The following CSMD3 variants were observed in gnomAD, a reference collection of about 807,000 sequenced individuals.
CSMD3 encodes the protein CUB and Sushi multiple domains 3.
A neutral mutation model predicts 435.2 loss-of-function variants in CSMD3; 177 were observed. That is an observed-to-expected ratio of 0.41 (90% confidence interval 0.36 to 0.46). The LOEUF (loss-of-function observed/expected upper bound fraction) is 0.46. CSMD3 is among the 20% of genes least tolerant of loss of function. The probability of loss-of-function intolerance (pLI) is 0.34; values close to 1 mark genes in which losing one functional copy is unlikely to be tolerated. For missense variants in CSMD3, 4,265 were observed against 4,504.6 expected (o/e 0.95, Z 1.52); for synonymous variants, 1,656 against 1,520.5 (o/e 1.09, Z -2.07).
At chr8:112,988,582 T>G (rs1042628321) in intron 6 of CSMD3, among the ~76,000 whole-genome samples, 2 of 152,140 alleles carry the variant, frequency 1.3e-5, no homozygotes, top group African/African-American at 4.8e-5. Context: ...ACTATGTTGC[T>G]AATGTGTATC....
intron 2 of CSMD3, among the ~76,000 whole-genome samples, chr8:113,308,221 T>C (rs1016702382): frequency 1.3e-5 from 2 of 151,528 alleles, no homozygotes; most frequent in African/African-American, 4.8e-5. Flanking sequence ...TTAATTTTTC[T>C]TTTTAGTTCT....
chr8:112,896,334 C>T (rs1587608725), intron 10 of CSMD3, among the ~76,000 whole-genome samples: 1 of 151,432 alleles, frequency 6.6e-6, no homozygotes, highest in East Asian at 2.0e-4. Flanking sequence ...TGGAGCTGCC[C>T]GATAGATATG....
chr8:112,503,112 G>A (rs1316976781), intron 30 of CSMD3, among the ~76,000 whole-genome samples: 8 of 151,980 alleles, frequency 5.3e-5, no homozygotes, highest in Non-Finnish European at 7.4e-5. Flanking sequence ...TAGAGACACG[G>A]TCTTGCTCTC....
intron 2 of CSMD3, among the ~76,000 whole-genome samples, chr8:113,279,014 T>C (rs1214409969): frequency 6.6e-6 from 1 of 151,570 alleles, no homozygotes; most frequent in Non-Finnish European, 1.5e-5. Context: ...TTAAAATATC[T>C]AGATAAATAC....
At chr8:112,976,326 A>C (rs781261056) in intron 6 of CSMD3, among the ~76,000 whole-genome samples, 178 bp from the exon 7 acceptor site, 2 of 152,136 alleles carry the variant, frequency 1.3e-5, no homozygotes, top group Non-Finnish European at 2.9e-5. Context: ...GTTTGTTTCT[A>C]TCAACCATCC....
At chr8:113,104,954 A>C (rs2090431132) in intron 4 of CSMD3, among the ~76,000 whole-genome samples, 1 of 152,108 alleles carries the variant, frequency 6.6e-6, no homozygotes, top group Non-Finnish European at 1.5e-5. Flanking sequence ...AGACATGTTG[A>C]GAAAATGAGA....
intron 39 of CSMD3, 131 bp from the exon 40 acceptor site, chr8:112,351,375 T>G: frequency 1.6e-6 from 1 of 629,882 alleles, no homozygotes; most frequent in East Asian, 2.8e-5. Flanking sequence ...TTTACTTATA[T>G]GAAAATCTTA....
intron 5 of CSMD3, among the ~76,000 whole-genome samples, chr8:113,054,129 T>C (rs1018913373): frequency 1.1e-4 from 16 of 152,262 alleles, no homozygotes; most frequent in African/African-American, 3.6e-4. Context: ...AATTCTCTCT[T>C]TTTTAATCTG....
chr8:113,194,148 C>T (rs887700752), intron 3 of CSMD3, among the ~76,000 whole-genome samples: 3 of 151,210 alleles, frequency 2.0e-5, no homozygotes, highest in Non-Finnish European at 3.0e-5. Flanking sequence ...AGGTGTTTAA[C>T]GTGATAAAAC....
intron 5 of CSMD3, among the ~76,000 whole-genome samples, chr8:113,022,327 C>A (rs2086711669): frequency 6.6e-6 from 1 of 151,922 alleles, no homozygotes; most frequent in Non-Finnish European, 1.5e-5. Context: ...TGAGAATAAT[C>A]TTTTAATAAG....
chr8:112,386,523 A>T (rs1435002868), intron 36 of CSMD3, among the ~76,000 whole-genome samples: 1 of 151,960 alleles, frequency 6.6e-6, no homozygotes, highest in Non-Finnish European at 1.5e-5. Flanking sequence ...TTTTAGACAG[A>T]GTCTCGCTCT....
intron 12 of CSMD3, among the ~76,000 whole-genome samples, chr8:112,810,514 T>C (rs1395458695): frequency 3.9e-5 from 6 of 152,114 alleles, no homozygotes; most frequent in Admixed American, 3.3e-4. Context: ...TTTGCAGAGA[T>C]TTAATTGACT....
chr8:112,419,173 A>G (rs543454057), intron 32 of CSMD3, among the ~76,000 whole-genome samples: 1 of 152,214 alleles, frequency 6.6e-6, no homozygotes, highest in East Asian at 1.9e-4. Flanking sequence ...ACTTATGGTT[A>G]TTATCATAGT....
intron 13 of CSMD3, among the ~76,000 whole-genome samples, chr8:112,762,865 A>G (rs1207099430): frequency 1.3e-5 from 2 of 151,864 alleles, no homozygotes; most frequent in East Asian, 1.9e-4. Context: ...TCTCATAAAA[A>G]CAGAGAGTAG....
chr8:112,629,114 G>T (rs2074437250), intron 22 of CSMD3, among the ~76,000 whole-genome samples: 1 of 152,150 alleles, frequency 6.6e-6, no homozygotes, highest in Non-Finnish European at 1.5e-5. Context: ...CGATGACAGG[G>T]TAATGGGAAT....
intron 27 of CSMD3, among the ~76,000 whole-genome samples, chr8:112,532,410 G>A (rs1343402106): frequency 6.6e-6 from 1 of 152,044 alleles, no homozygotes; most frequent in Non-Finnish European, 1.5e-5. Context: ...CTATCCCAGG[G>A]CATTTAATAA....
At chr8:112,705,383 C>A (rs2076476806) in intron 13 of CSMD3, among the ~76,000 whole-genome samples, 1 of 152,048 alleles carries the variant, frequency 6.6e-6, no homozygotes, top group Non-Finnish European at 1.5e-5. Flanking sequence ...CAAGTTAATG[C>A]CCCAGCCCAA....
intron 55 of CSMD3, 121 bp downstream of exon 55, chr8:112,292,416 C>G (rs1819853591): frequency 1.1e-6 from 1 of 894,032 alleles, no homozygotes; most frequent in East Asian, 2.5e-5. Flanking sequence ...AGTATTAAAG[C>G]TTTTTGTTTT....
At chr8:113,030,526 C>T (rs1046670457) in intron 5 of CSMD3, among the ~76,000 whole-genome samples, 1 of 148,582 alleles carries the variant, frequency 6.7e-6, no homozygotes, top group Admixed American at 6.7e-5. Context: ...TATTTGAAAG[C>T]TCAAAATTGA....
Sources: gnomAD v4.1 joint callset for allele counts (sites outside exome capture counted in the v4.1 genomes callset) on GRCh38, gnomAD v4.1.1 for gene constraint, MANE v1.5 for transcripts, NCBI Gene and HGNC (gene_info 2026-07-23, HGNC 2026-07-21) for gene names.